The following RIC8B variants were observed in gnomAD, a reference collection of about 807,000 sequenced individuals.
The protein encoded by RIC8B is RIC8 guanine nucleotide exchange factor B.
Under a neutral mutation model 57.5 loss-of-function variants are expected in RIC8B, and 16 were observed. The ratio of observed to expected loss-of-function variants is 0.28; its 90% confidence interval spans 0.19 to 0.42. The LOEUF (loss-of-function observed/expected upper bound fraction) is 0.42, where lower values mean the gene tolerates loss of function less well. Ranked by LOEUF, RIC8B falls within the 10% of genes least tolerant of loss-of-function variation. The pLI is 1.00. For missense variants in RIC8B, 481 were observed against 677.0 expected, an observed-to-expected ratio of 0.71 and a Z score of 3.21; for synonymous variants, 216 against 250.8, an observed-to-expected ratio of 0.86 and a Z score of 1.31.
chr12:106,807,268 T>C, intron 2 of RIC8B, among the ~76,000 whole-genome samples: 1 of 152,234 alleles, frequency 6.6e-6, no homozygotes. Flanking sequence ...TAAGTTGTTT[T>C]AACAAGGGGA....
chr12:106,854,542 C>T (rs1420829585), intron 7 of RIC8B, among the ~76,000 whole-genome samples: 3 of 152,096 alleles, frequency 2.0e-5, no homozygotes, highest in African/African-American at 7.2e-5. Context: ...CCTGTAATCC[C>T]AGCACTTTGG....
chr12:106,833,181 T>C (rs975558750), intron 4 of RIC8B, among the ~76,000 whole-genome samples: 1 of 152,194 alleles, frequency 6.6e-6, no homozygotes, highest in East Asian at 1.9e-4. Flanking sequence ...TTTATTTACA[T>C]ATACCTTATA....
chr12:106,779,313 C>A (rs1247855152), intron 1 of RIC8B, among the ~76,000 whole-genome samples: 1 of 151,734 alleles, frequency 6.6e-6, no homozygotes, highest in Non-Finnish European at 1.5e-5. Context: ...CTAACTGCAG[C>A]CTCCGCCTCC....
At chr12:106,851,316 T>TTTTC (rs1209360514) in intron 6 of RIC8B, 134 bp from the exon 7 acceptor site, 8 of 53,656 alleles carry the variant, frequency 1.5e-4, no homozygotes, top group African/African-American at 1.2e-3. Flanking sequence ...GAAGCTAACC[T>TTTTC]TTTTTTTTTT....
At chr12:106,846,654 C>T (rs11113129) in intron 6 of RIC8B, among the ~76,000 whole-genome samples, 4,260 of 149,786 alleles carry the variant, frequency 0.028, 202 homozygotes, top group African/African-American at 0.099. Context: ...TCTGCATTTT[C>T]GCTTTTTTCC....
chr12:106,783,888 G>A, intron 1 of RIC8B, 109 bp from the exon 2 acceptor site: 1 of 918,858 alleles, frequency 1.1e-6, no homozygotes, highest in Non-Finnish European at 1.7e-6. Flanking sequence ...TTGAGATACG[G>A]GAAGGCAACA....
At chr12:106,854,356 T>G (rs764920578) in intron 7 of RIC8B, among the ~76,000 whole-genome samples, 8 of 152,152 alleles carry the variant, frequency 5.3e-5, no homozygotes, top group Admixed American at 1.3e-4. Context: ...AAATAATTTT[T>G]CAGAATGTCT....
rs771594999 is a variant in RIC8B at position 106,784,021 on chromosome 12, T to G, written c.109T>G (p.Ser37Ala). The G allele has an allele frequency of 6.2e-7, 1 of 1,613,892 alleles. No individual in the cohort carries two copies. Among genetic ancestry groups the G allele is most frequent in the Non-Finnish European group, 8.5e-7 (1 of 1,179,822 alleles). ...GCATAGGGCTACTTTCAAATTTGAATCAACAGATGAAGATAAAAGAAAGGT... is the reference window on the plus strand; with the variant it reads ...GCATAGGGCTACTTTCAAATTTGAAGCAACAGATGAAGATAAAAGAAAGGT... ...DKHRATFKFE[S>A]TDEDKRKKLC... is the part of the protein sequence containing the mutation. The change falls in exon 2 of 10, where the codon TCA becomes GCA. Residue 37 changes from serine to alanine, a missense_variant. Coordinates refer to ENST00000392837, the MANE Select transcript of RIC8B (RefSeq NM_001330145.2).
intron 4 of RIC8B, among the ~76,000 whole-genome samples, chr12:106,833,455 G>A (rs775701054): frequency 5.9e-5 from 9 of 152,058 alleles, no homozygotes; most frequent in African/African-American, 1.2e-4. Flanking sequence ...TACAAAATTA[G>A]CAAGGCATGA....
intron 4 of RIC8B, among the ~76,000 whole-genome samples, chr12:106,839,308 G>A (rs975841953): frequency 1.3e-5 from 2 of 152,216 alleles, no homozygotes; most frequent in African/African-American, 4.8e-5. Flanking sequence ...TAAAATGTGC[G>A]TATATATGTA....
At chr12:106,807,291 A>G (rs988179662) in intron 2 of RIC8B, among the ~76,000 whole-genome samples, 2 of 152,236 alleles carry the variant, frequency 1.3e-5, no homozygotes, top group African/African-American at 4.8e-5. Flanking sequence ...TCAAGATAGA[A>G]GTGGTTTACA....
chr12:106,810,749 G>A, intron 2 of RIC8B, among the ~76,000 whole-genome samples: 1 of 152,196 alleles, frequency 6.6e-6, no homozygotes, highest in Non-Finnish European at 1.5e-5. Context: ...CTCAGAGCAG[G>A]TTAGCAGATC....
rs2046062022 is a variant in RIC8B, at chr12:106,825,645, G to A, written c.742-81G>A. The stretch of plus-strand genomic sequence containing the variant: ...GTATAAGAATGCTTGTTTGGGGTGG[G>A]CAAGAGATGTAGTAAAGTAGCAGAC... On this transcript the variant is annotated intron_variant, in intron 3 of 9. Transcript: ENST00000392837. The A allele has an allele frequency of 5.1e-6, 5 of 972,250 alleles. No homozygotes were observed. The Admixed American group carries it at 8.7e-5, about 17-fold the overall frequency. The allele number at this position is 972,250 out of a possible 1,614,324, so 60.2% of individuals were successfully genotyped here. A position where few individuals can be genotyped will look rare whatever the true frequency, so the allele number is the denominator to read the frequency against.
intron 2 of RIC8B, among the ~76,000 whole-genome samples, chr12:106,794,753 C>CA (rs2044402686): frequency 6.6e-6 from 1 of 152,162 alleles, no homozygotes; most frequent in Non-Finnish European, 1.5e-5. Flanking sequence ...CTAGCTGACT[C>CA]ACCTTACAAG....
intron 2 of RIC8B, among the ~76,000 whole-genome samples, chr12:106,787,824 T>C (rs1294599036): frequency 6.6e-5 from 10 of 152,170 alleles, no homozygotes; most frequent in Non-Finnish European, 1.5e-4. Flanking sequence ...AGATGAGGTT[T>C]GGGTGAGGAC....
intron 3 of RIC8B, among the ~76,000 whole-genome samples, chr12:106,823,756 C>T (rs960264824): frequency 6.6e-6 from 1 of 151,090 alleles, no homozygotes; most frequent in African/African-American, 2.4e-5. Flanking sequence ...ATGATCTCGG[C>T]TCACTGCAAC....
At chr12:106,848,008 G>C (rs749038078) in intron 6 of RIC8B, among the ~76,000 whole-genome samples, 1 of 152,110 alleles carries the variant, frequency 6.6e-6, no homozygotes, top group Non-Finnish European at 1.5e-5. Context: ...TACTACGTCC[G>C]GTGGTGACAA....
At chr12:106,836,413 C>T (rs1159494380) in intron 4 of RIC8B, among the ~76,000 whole-genome samples, 1 of 152,206 alleles carries the variant, frequency 6.6e-6, no homozygotes, top group Non-Finnish European at 1.5e-5. Context: ...AACATCTCCA[C>T]TTGGATGTCA....
chr12:106,852,988 G>T (rs1949540248), intron 7 of RIC8B, among the ~76,000 whole-genome samples: 1 of 152,094 alleles, frequency 6.6e-6, no homozygotes, highest in Non-Finnish European at 1.5e-5. Flanking sequence ...ACACATATGT[G>T]TATCTATTCA....
Sources: gnomAD v4.1 joint callset for allele counts (sites outside exome capture counted in the v4.1 genomes callset) on GRCh38, gnomAD v4.1.1 for gene constraint, MANE v1.5 for transcripts, NCBI Gene and HGNC (gene_info 2026-07-23, HGNC 2026-07-21) for gene names.